Variants in RNF144A observed in about 807,000 individuals in gnomAD.
The protein encoded by RNF144A is ring finger protein 144A, also known as E3 ubiquitin-protein ligase RNF144A.
Under a neutral mutation model 38.7 loss-of-function variants are expected in RNF144A, and 11 were observed. The ratio of observed to expected loss-of-function variants is 0.28; its 90% confidence interval spans 0.18 to 0.47. The LOEUF (loss-of-function observed/expected upper bound fraction) is 0.47. RNF144A is among the 20% of genes least tolerant of loss of function. The pLI, the probability that RNF144A is intolerant of heterozygous loss-of-function variation, is 0.99. For synonymous variants in RNF144A, 149 were observed against 143.9 expected (o/e 1.04, Z -0.25); for missense variants, 316 against 377.2 (o/e 0.84, Z 1.34).
intron 2 of RNF144A, among the ~76,000 whole-genome samples, chr2:6,951,193 C>T (rs1415569923): frequency 6.6e-6 from 1 of 151,850 alleles, no homozygotes. Flanking sequence ...AAAAATAATA[C>T]GTAGTAACAT....
chr2:7,053,004 T>C (rs309286), intron 6 of RNF144A, among the ~76,000 whole-genome samples: 105,705 of 152,194 alleles, frequency 0.69, 37,819 homozygotes, highest in South Asian at 0.91. Flanking sequence ...CTTCCATATG[T>C]GTTTAAACTT....
chr2:6,960,198 T>G (rs1210759899), intron 2 of RNF144A, among the ~76,000 whole-genome samples: 1 of 152,192 alleles, frequency 6.6e-6, no homozygotes, highest in Non-Finnish European at 1.5e-5. Context: ...ATCCTCTTCT[T>G]TTTCCTTATT....
chr2:7,032,183 TGAATCCACGCCCCTTGCAGCTCTGCTG>T (rs1558449288), intron 8 of RNF144A, among the ~76,000 whole-genome samples: 5 of 151,970 alleles, frequency 3.3e-5, no homozygotes, highest in South Asian at 2.1e-4. Context: ...CGGCACGGCT[TGAATCCACGCCCCTTGCAGCTCTGCTG>T]GAATCCGCGC....
downstream of RNF144A, among the ~76,000 whole-genome samples, chr2:7,045,598 C>G (rs1375210854): frequency 6.6e-6 from 1 of 152,214 alleles, no homozygotes; most frequent in Non-Finnish European, 1.5e-5. Context: ...AGAGCCTACC[C>G]TGATGACCTC....
intron 8 of RNF144A, among the ~76,000 whole-genome samples, chr2:7,034,012 C>T (rs908406299): frequency 5.9e-5 from 9 of 152,152 alleles, no homozygotes; most frequent in African/African-American, 2.2e-4. Context: ...GCTGTGTCCC[C>T]GTCCCAGGAG....
chr2:7,015,228 G>A (rs1348433800), intron 5 of RNF144A, among the ~76,000 whole-genome samples: 1 of 152,172 alleles, frequency 6.6e-6, no homozygotes, highest in Non-Finnish European at 1.5e-5. Context: ...TCCTGTCTGC[G>A]CTTACTCACC....
chr2:7,066,584 A>G (rs908884365), intron 6 of RNF144A, among the ~76,000 whole-genome samples: 3 of 152,248 alleles, frequency 2.0e-5, no homozygotes, highest in African/African-American at 7.2e-5. Flanking sequence ...TCCTTGTAAC[A>G]GTACACAATT....
intron 8 of RNF144A, among the ~76,000 whole-genome samples, chr2:7,034,443 T>G (rs72783724): frequency 0.067 from 10,148 of 152,228 alleles, 409 homozygotes; most frequent in Middle Eastern, 0.18. Context: ...TCTGTCTGCC[T>G]TTTGGAAATG....
downstream of RNF144A, among the ~76,000 whole-genome samples, chr2:7,044,370 C>G (rs1300569237): frequency 6.6e-6 from 1 of 151,942 alleles, no homozygotes; most frequent in Admixed American, 6.6e-5. Flanking sequence ...CTCTTGTATC[C>G]TGAGATTTTC....
At chr2:7,000,201 A>G (rs370003859) in intron 3 of RNF144A, among the ~76,000 whole-genome samples, 6 of 152,214 alleles carry the variant, frequency 3.9e-5, no homozygotes, top group African/African-American at 1.4e-4. Context: ...GGGGATGATG[A>G]GAGCTACCAG....
chr2:6,922,769 C>T (rs901610583), intron 1 of RNF144A, among the ~76,000 whole-genome samples: 3 of 151,994 alleles, frequency 2.0e-5, no homozygotes, highest in African/African-American at 7.2e-5. Flanking sequence ...GGACTACAGG[C>T]GCCCGCCGCC....
At chr2:7,068,245 C>G (rs1485292681) in exon 7 of RNF144A, 1 of 1,302,416 alleles carries the variant, frequency 7.7e-7, no homozygotes, top group African/African-American at 1.5e-5. Flanking sequence ...AATGCATTCT[C>G]CATAATACTG....
At chr2:6,978,780 C>T (rs1286054997) in intron 2 of RNF144A, 2 of 152,630 alleles carry the variant, frequency 1.3e-5, no homozygotes, top group African/African-American at 4.8e-5. Context: ...TGAATATTCT[C>T]TTTAGAAGAG....
At position 7,040,135 on chromosome 2, in the gene RNF144A, T is replaced by C; in HGVS notation, c.*375T>C. 9.9e-7 allele frequency: 1 copy of C among 1,007,136 alleles called. No homozygotes were observed. The highest frequency in any genetic ancestry group is 1.7e-5 in the African/African-American group (1 of 58,068). 62.4% of individuals were successfully genotyped at this position (1,007,136 alleles called of 1,614,324 possible). ...GGCACCATGTTGTCAGAGAAGTCTT[T>C]TAAGGACTGCCACTCTCTTCAGACA... On this transcript the variant is annotated 3_prime_UTR_variant, in exon 9 of 9. Coordinates refer to ENST00000320892, the MANE Select transcript of RNF144A (RefSeq NM_014746.6).
At chr2:6,982,711 A>C (rs1668711186) in intron 2 of RNF144A, among the ~76,000 whole-genome samples, 1 of 152,188 alleles carries the variant, frequency 6.6e-6, no homozygotes, top group African/African-American at 2.4e-5. Flanking sequence ...ACGATTGAGA[A>C]AGTGGCAACT....
At chr2:6,922,585 C>G (rs576435947) in intron 1 of RNF144A, among the ~76,000 whole-genome samples, 106 of 150,782 alleles carry the variant, frequency 7.0e-4, no homozygotes, top group African/African-American at 2.3e-3. Context: ...CTGCCTCCTG[C>G]GAGCCATGCA....
intron 2 of RNF144A, among the ~76,000 whole-genome samples, chr2:6,983,172 AG>A (rs1404307249): frequency 3.3e-5 from 5 of 152,178 alleles, no homozygotes; most frequent in African/African-American, 1.2e-4. Context: ...CCTTACCAGG[AG>A]GACATAGTGT....
chr2:6,975,898 G>C (rs533033646), intron 2 of RNF144A, among the ~76,000 whole-genome samples: 1 of 152,234 alleles, frequency 6.6e-6, no homozygotes, highest in Non-Finnish European at 1.5e-5. Flanking sequence ...GTTTATCGTA[G>C]GATATATGCT....
intron 6 of RNF144A, chr2:7,062,839 A>T (rs1256357183): frequency 6.6e-6 from 1 of 152,222 alleles, no homozygotes; most frequent in Non-Finnish European, 1.5e-5. Context: ...GGATGCTCAC[A>T]TTACAAATTT....
Sources: allele counts gnomAD v4.1 joint callset (sites outside exome capture counted in the v4.1 genomes callset), GRCh38; gene constraint gnomAD v4.1.1; transcripts MANE v1.5; gene names NCBI Gene and HGNC (gene_info 2026-07-23, HGNC 2026-07-21).